Variants in BTBD9 observed in about 807,000 individuals in gnomAD.
BTBD9 encodes BTB/POZ domain-containing protein 9.
A neutral mutation model predicts 64.3 loss-of-function variants in BTBD9; 49 were observed. The ratio of observed to expected loss-of-function variants is 0.76; its 90% confidence interval spans 0.61 to 0.97. BTBD9 has a LOEUF of 0.97. Ranked by LOEUF, BTBD9 falls within the 50% of genes least tolerant of loss-of-function variation. The pLI, the probability that BTBD9 is intolerant of heterozygous loss-of-function variation, is 0.00. For synonymous variants in BTBD9, 260 were observed against 274.7 expected (o/e 0.95, Z 0.53); for missense variants, 598 against 762.1 (o/e 0.78, Z 2.53).
At chr6:38,230,782 T>C (rs1193376153) in intron 9 of BTBD9, among the ~76,000 whole-genome samples, 3 of 152,206 alleles carry the variant, frequency 2.0e-5, no homozygotes, top group African/African-American at 7.2e-5. Flanking sequence ...CCCAAGGCTT[T>C]GGAAGGCTGG....
At chr6:38,600,598 CT>C (rs1320457202) in intron 1 of BTBD9, among the ~76,000 whole-genome samples, 1 of 152,002 alleles carries the variant, frequency 6.6e-6, no homozygotes, top group Non-Finnish European at 1.5e-5. Flanking sequence ...ACAAAACGCT[CT>C]TCCTGGCTGA....
At chr6:38,280,067 G>T (rs1761451628) in intron 8 of BTBD9, among the ~76,000 whole-genome samples, 1 of 151,772 alleles carries the variant, frequency 6.6e-6, no homozygotes, top group Non-Finnish European at 1.5e-5. Flanking sequence ...GAATTCTAGT[G>T]CTCCTCCTGT....
rs967391441 is a variant in BTBD9 at position 38,602,764 on chromosome 6, C to T, written c.-27-4643G>A. On this transcript the variant is annotated intron_variant, in intron 1 of 10. Transcript: ENST00000481247. ...GATTTAGTGACTAAGACAGAAATGG[C>T]AAGCAGAAGGGCTATGTATTATCTC... Among the ~76,000 whole-genome samples the T allele has an allele frequency of 1.2e-4, 18 of 150,834 alleles. 1 individual carries two copies. The highest frequency in any genetic ancestry group is 1.2e-3 in the Admixed American group (18 of 15,112).
chr6:38,245,362 G>C (rs1031851122), intron 9 of BTBD9, among the ~76,000 whole-genome samples: 2 of 152,194 alleles, frequency 1.3e-5, no homozygotes, highest in Admixed American at 1.3e-4. Context: ...CTTGAGCTGA[G>C]AAGGGTAAGT....
chr6:38,478,118 T>C (rs1233186938), intron 6 of BTBD9, among the ~76,000 whole-genome samples: 1 of 152,138 alleles, frequency 6.6e-6, no homozygotes, highest in African/African-American at 2.4e-5. Flanking sequence ...ACATGCTGTT[T>C]CCTCTCTTTT....
intron 6 of BTBD9, among the ~76,000 whole-genome samples, chr6:38,466,362 G>C (rs1178324632): frequency 7.1e-6 from 1 of 141,312 alleles, no homozygotes; most frequent in Non-Finnish European, 1.5e-5. Flanking sequence ...GAGCTATCTT[G>C]GCTCACTGCA....
At chr6:38,280,521 G>A (rs1761470234) in intron 8 of BTBD9, among the ~76,000 whole-genome samples, 1 of 152,202 alleles carries the variant, frequency 6.6e-6, no homozygotes, top group Non-Finnish European at 1.5e-5. Flanking sequence ...ATCCAAGCCA[G>A]AAGAGTCATA....
intron 6 of BTBD9, among the ~76,000 whole-genome samples, chr6:38,530,724 C>T (rs965813496): frequency 9.2e-5 from 14 of 151,616 alleles, no homozygotes; most frequent in African/African-American, 2.0e-4. Flanking sequence ...GGAAGCTCAA[C>T]GAAATCCAAG....
At position 38,452,199 on chromosome 6, in the gene BTBD9, T is replaced by C. The variant is rs115868614; in HGVS notation, c.1155-107106A>G. Among the ~76,000 whole-genome samples, 478 of 152,222 alleles carry C rather than the reference T, an allele frequency of 3.1e-3. 3 individuals carry two copies. The highest frequency in any genetic ancestry group is 6.8e-3 in the Middle Eastern group (2 of 294). On this transcript the variant is annotated intron_variant, in intron 6 of 10. Coordinates refer to ENST00000481247, the MANE Select transcript of BTBD9 (RefSeq NM_001099272.2). ...TAATTTTTATAAGACTATCATATTA[T>C]TCTCCCCATTTTCAAATGAGGATTC...
chr6:38,190,192 G>A (rs1436667415), intron 10 of BTBD9, among the ~76,000 whole-genome samples: 3 of 151,870 alleles, frequency 2.0e-5, no homozygotes, highest in Middle Eastern at 3.4e-3. Flanking sequence ...CTGGCCCAGC[G>A]TGGTGGCTCA....
chr6:38,338,877 TCTC>T (rs1488558874), intron 7 of BTBD9, among the ~76,000 whole-genome samples: 6 of 152,182 alleles, frequency 3.9e-5, no homozygotes, highest in Admixed American at 1.3e-4. Context: ...GCTCAATTTC[TCTC>T]CTAAGAGAAA....
chr6:38,186,900 C>T lies in BTBD9; in HGVS notation c.1641+5619G>A, dbSNP rs138113846. On this transcript the variant is annotated intron_variant, in intron 10 of 10. Transcript: ENST00000481247. Reference sequence around the variant, plus strand: ...TGCTTGTGGGCCCCTGAGCTCCCAGCGTACTGAAAAAAATCACTCCAGAAC... The same window carrying T: ...TGCTTGTGGGCCCCTGAGCTCCCAGTGTACTGAAAAAAATCACTCCAGAAC... Among the ~76,000 whole-genome samples, 267 of 152,172 alleles carry T rather than the reference C, an allele frequency of 1.8e-3. 2 individuals carry two copies. Among genetic ancestry groups the T allele is most frequent in the African/African-American group, 6.0e-3 (251 of 41,506 alleles).
intron 6 of BTBD9, among the ~76,000 whole-genome samples, chr6:38,450,306 A>G (rs1769468302): frequency 6.6e-6 from 1 of 152,212 alleles, no homozygotes; most frequent in Non-Finnish European, 1.5e-5. Flanking sequence ...CAAAGAATAC[A>G]TATTTACAGT....
At chr6:38,310,167 T>C (rs1402220841) in intron 7 of BTBD9, among the ~76,000 whole-genome samples, 1 of 152,206 alleles carries the variant, frequency 6.6e-6, no homozygotes, top group East Asian at 1.9e-4. Context: ...AACTTCTGAA[T>C]ACTGCATTCA....
chr6:38,314,019 G>A (rs922919128), intron 7 of BTBD9, among the ~76,000 whole-genome samples: 17 of 151,818 alleles, frequency 1.1e-4, no homozygotes, highest in African/African-American at 4.1e-4. Flanking sequence ...GGGATTATAG[G>A]TGTGAGCCAC....
intron 7 of BTBD9, among the ~76,000 whole-genome samples, chr6:38,289,382 T>A (rs4714141): frequency 0.068 from 10,397 of 151,832 alleles, 943 homozygotes; most frequent in East Asian, 0.4. Flanking sequence ...TCAAAAAAAA[T>A]TTTTTTTAAT....
chr6:38,317,131 G>A (rs982192851), intron 7 of BTBD9, among the ~76,000 whole-genome samples: 1 of 152,022 alleles, frequency 6.6e-6, no homozygotes, highest in Non-Finnish European at 1.5e-5. Context: ...AAGTAGCTGG[G>A]ATTACAGATG....
intron 9 of BTBD9, among the ~76,000 whole-genome samples, chr6:38,251,761 A>C (rs1764410731): frequency 6.6e-6 from 1 of 151,874 alleles, no homozygotes. Flanking sequence ...CCGTGGTAGC[A>C]TATGCCTGTA....
Position 38,344,985 on chromosome 6 carries a change from T to C in BTBD9, c.1263A>G (p.Ile421Met), listed in dbSNP as rs1764225758. 4 of 1,577,612 alleles carry C rather than the reference T, an allele frequency of 2.5e-6. No individual in the cohort carries two copies. The highest frequency in any genetic ancestry group is 3.5e-6 in the Non-Finnish European group (4 of 1,150,782). Residue 421 changes from isoleucine (I) to methionine (M), a missense_variant and splice_region_variant, in exon 7 of 11, where the codon ATA (isoleucine) becomes ATG (methionine). By Grantham distance (10) the Ile-to-Met change is conservative (BLOSUM62 1). Transcript: ENST00000481247. ...NKTFTLEKGL[I>M]VPMENVATIA... ...CAAAAATCTAATGGTAATACTTACC[T>C]ATCAGCCCCTTCTCAAGAGTGAAGG...
Sources: gnomAD v4.1 joint callset for allele counts (sites outside exome capture counted in the v4.1 genomes callset) on GRCh38, gnomAD v4.1.1 for gene constraint, MANE v1.5 for transcripts, NCBI Gene and HGNC (gene_info 2026-07-23, HGNC 2026-07-21) for gene names.